The following HEPN1 variants were observed in gnomAD, a reference collection of about 807,000 sequenced individuals.
HEPN1 encodes protein HEPN1.
For synonymous variants in HEPN1, 46 were observed against 41.2 expected, an observed-to-expected ratio of 1.12 and a Z score of -0.45; for missense variants, 97 against 103.3, an observed-to-expected ratio of 0.94 and a Z score of 0.26.
rs1479381777 is a variant in HEPN1, at chr11:124,920,472, C to T, written c.*455C>T. 1.3e-6 allele frequency: 2 copies of T among 1,538,672 alleles called. No individual in the cohort carries two copies. Among genetic ancestry groups the T allele is most frequent in the South Asian group, 2.4e-5 (2 of 82,968 alleles). On this transcript the variant is annotated 3_prime_UTR_variant, in exon 1 of 1. Transcript: ENST00000408930. ...TCGGGTTCTTTGCCCTTGCTAGCGC[C>T]CAGGTCAGAGGGAAAAGGAATGTAC...
At chr11:124,919,392 G>T in exon 1 of HEPN1, 1 of 255,484 alleles carries the variant, frequency 3.9e-6, no homozygotes, top group Non-Finnish European at 7.4e-6. Context: ...AGGCAGATTT[G>T]GCTTAAGCCT....
chr11:124,920,366 T>C (rs758487880), exon 1 of HEPN1: 1 of 1,540,438 alleles, frequency 6.5e-7, no homozygotes, highest in Admixed American at 2.0e-5. Flanking sequence ...CCATCTCTTT[T>C]ATTCATGAAC....
exon 1 of HEPN1, chr11:124,919,792 C>T (rs368280630): frequency 4.0e-5 from 65 of 1,613,876 alleles, no homozygotes; most frequent in Non-Finnish European, 5.0e-5. Context: ...GGGTTGATGG[C>T]GAATCAGAGC....
chr11:124,920,093 G>A (rs1947105943), exon 1 of HEPN1: 79 of 1,499,806 alleles, frequency 5.3e-5, no homozygotes, highest in Non-Finnish European at 7.1e-5. Flanking sequence ...CAGGAGGCCA[G>A]GGGTTGGATC....
At chr11:124,919,996 C>T (rs1275718903) in exon 1 of HEPN1, 11 of 1,612,956 alleles carry the variant, frequency 6.8e-6, no homozygotes, top group Non-Finnish European at 9.3e-6. Context: ...GGCCCAGCCT[C>T]TTTATTTTGA....
In HEPN1 at chr11:124,920,654, A is replaced by G. The variant is rs916692849; in HGVS notation, c.*637A>G. 3.1e-5 allele frequency: 15 copies of G among 485,380 alleles called. No homozygotes were observed. In the African/African-American group the frequency reaches 3.6e-4, roughly 12 times the overall value. 30.1% of individuals were successfully genotyped at this position (485,380 alleles called of 1,614,324 possible). A position where few individuals can be genotyped will look rare whatever the true frequency, so the allele number is the denominator to read the frequency against. On this transcript the variant is annotated 3_prime_UTR_variant, in exon 1 of 1. Transcript: ENST00000408930. ...TTAGTGCAGCTGTGGATTCTGGGAA[A>G]GTGGCCTCTCTAATCTGAACTTGCA... is the stretch of plus-strand genomic sequence containing the variant.
chr11:124,920,321 A>G, exon 1 of HEPN1: 1 of 1,394,802 alleles, frequency 7.2e-7, no homozygotes, highest in Non-Finnish European at 9.8e-7. Flanking sequence ...CCAGGGGAGT[A>G]AGTGAAATTC....
exon 1 of HEPN1, chr11:124,920,232 G>A (rs1050780371): frequency 4.8e-5 from 42 of 879,894 alleles, no homozygotes; most frequent in Non-Finnish European, 6.4e-5. Flanking sequence ...TGTTTGAAAG[G>A]CTTGTTTTGT....
exon 1 of HEPN1, chr11:124,920,046 T>C (rs1329460307): frequency 6.2e-7 from 1 of 1,602,620 alleles, no homozygotes; most frequent in Non-Finnish European, 8.5e-7. Flanking sequence ...TTCTGTGCCC[T>C]GGGACCTGAG....
At chr11:124,919,628 C>T in exon 1 of HEPN1, 1 of 1,134,034 alleles carries the variant, frequency 8.8e-7, no homozygotes. Context: ...TCAAATGAGC[C>T]TGGGGAAGTG....
chr11:124,920,003 T>C (rs776966335), exon 1 of HEPN1: 2 of 1,612,726 alleles, frequency 1.2e-6, no homozygotes, highest in African/African-American at 2.7e-5. Flanking sequence ...CCTCTTTATT[T>C]TGATGTTAGT....
exon 1 of HEPN1, chr11:124,920,356 C>A (rs1414168722): frequency 1.3e-6 from 2 of 1,522,486 alleles, no homozygotes; most frequent in Non-Finnish European, 1.8e-6. Flanking sequence ...ATAAGCCCAT[C>A]CATCTCTTTT....
At position 124,919,665 on chromosome 11, in the gene HEPN1, A is replaced by G; in HGVS notation, c.-86A>G. 2.0e-6 allele frequency: 3 copies of G among 1,465,328 alleles called. No individual in the cohort carries two copies. Among genetic ancestry groups the G allele is most frequent in the Admixed American group, 1.9e-5 (1 of 54,048 alleles). 90.8% of individuals were successfully genotyped at this position (1,465,328 alleles called of 1,614,324 possible). Reference sequence around the variant, plus strand: ...CGAGGGACAGGGAGCTGAGACAGGCATGCTGTGGGGTTCAGGGCAGAGGGG... The same window carrying G: ...CGAGGGACAGGGAGCTGAGACAGGCGTGCTGTGGGGTTCAGGGCAGAGGGG... On this transcript the variant is annotated 5_prime_UTR_variant, in exon 1 of 1. An upstream start codon of the reference 5' UTR is lost. Coordinates refer to ENST00000408930, the Ensembl canonical transcript of HEPN1.
At chr11:124,919,833 C>A (rs750107338) in exon 1 of HEPN1, 2 of 1,614,096 alleles carry the variant, frequency 1.2e-6, no homozygotes, top group East Asian at 2.2e-5. Flanking sequence ...ATGCAAGGAC[C>A]CTTGGAGGCA....
At chr11:124,920,509 C>T (rs886047923) in exon 1 of HEPN1, 2 of 1,471,010 alleles carry the variant, frequency 1.4e-6, no homozygotes. Flanking sequence ...CGTACCCTTC[C>T]CTCACCACCT....
chr11:124,919,508 C>T, exon 1 of HEPN1: 1 of 557,684 alleles, frequency 1.8e-6, no homozygotes, highest in Admixed American at 3.1e-5. Flanking sequence ...ACTCCTTATC[C>T]AAGTCCTGCT....
At chr11:124,920,488 A>G in exon 1 of HEPN1, 1 of 1,526,290 alleles carries the variant, frequency 6.6e-7, no homozygotes, top group East Asian at 2.5e-5. Flanking sequence ...CAGAGGGAAA[A>G]GGAATGTACT....
At chr11:124,920,677 GCAAAAA>G (rs1451019294), downstream of HEPN1, 1,953 of 106,822 alleles carry the variant, frequency 0.018, 24 homozygotes, top group Non-Finnish European at 0.02. Context: ...ATCTGAACTT[GCAAAAA>G]AAAAAAAAAA....
exon 1 of HEPN1, chr11:124,919,968 A>G (rs1028886737): frequency 5.0e-6 from 8 of 1,613,716 alleles, no homozygotes; most frequent in Non-Finnish European, 6.8e-6. Context: ...TGGCATGGGC[A>G]TGTCCTGGCT....
Sources: allele counts gnomAD v4.1 joint callset, GRCh38; gene constraint gnomAD v4.1.1; transcripts MANE v1.5; gene names NCBI Gene and HGNC (gene_info 2026-07-23, HGNC 2026-07-21).